The following DNAAF11 variants were observed in gnomAD, a reference collection of about 807,000 sequenced individuals.
DNAAF11 encodes the protein leucine rich repeat containing 6.
A neutral mutation model predicts 60.8 loss-of-function variants in DNAAF11; 45 were observed. The observed-to-expected ratio is 0.74, with a 90% confidence interval of 0.58 to 0.95. The LOEUF (loss-of-function observed/expected upper bound fraction) is 0.95. Ranked by LOEUF, DNAAF11 falls within the 40% of genes least tolerant of loss-of-function variation. DNAAF11 has a pLI of 0.00. For missense variants in DNAAF11, 546 were observed against 546.2 expected (o/e 1.00, Z 0.00); for synonymous variants, 191 against 183.5 (o/e 1.04, Z -0.33).
intron 4 of DNAAF11, among the ~76,000 whole-genome samples, chr8:132,637,559 C>T (rs1029257125): frequency 1.3e-5 from 2 of 151,266 alleles, no homozygotes; most frequent in African/African-American, 4.9e-5. Context: ...GAGCCGAGAT[C>T]GTGCCACTGC....
At chr8:132,575,075 A>G (rs1814600133) in intron 11 of DNAAF11, among the ~76,000 whole-genome samples, 1 of 152,204 alleles carries the variant, frequency 6.6e-6, no homozygotes, top group African/African-American at 2.4e-5. Context: ...GCCCTCTTTC[A>G]TCTCATTTAT....
In DNAAF11 at chr8:132,581,263, A is replaced by C. The variant is rs141194643; in HGVS notation, c.1226+2431T>G. On this transcript the variant is annotated intron_variant, in intron 11 of 11. Transcript: ENST00000620350. ...GGATGGAATTTCTAGAACAGAACAA[A>C]CATAAAATAATTAACCATAAAAAAG... 4.1e-3 allele frequency among the ~76,000 whole-genome samples: 630 copies of C among 152,306 alleles called. 10 individuals carry two copies. Among genetic ancestry groups the C allele is most frequent in the African/African-American group, 0.014 (594 of 41,562 alleles).
intron 11 of DNAAF11, among the ~76,000 whole-genome samples, chr8:132,583,390 C>A (rs1455408210): frequency 1.3e-5 from 2 of 152,100 alleles, no homozygotes; most frequent in Non-Finnish European, 2.9e-5. Context: ...ATGGGTAAAG[C>A]ACACAGAATA....
At chr8:132,665,203 T>A (rs1156615910) in intron 1 of DNAAF11, among the ~76,000 whole-genome samples, 2 of 152,098 alleles carry the variant, frequency 1.3e-5, no homozygotes, top group Non-Finnish European at 2.9e-5. Context: ...CAGTGCTGCT[T>A]CACCTGTAAT....
At chr8:132,692,776 C>A in the DNAAF11 span, among the ~76,000 whole-genome samples, 1 of 152,196 alleles carries the variant, frequency 6.6e-6, no homozygotes, top group South Asian at 2.1e-4. Context: ...TTGCCAAGGG[C>A]AAGCATTACT....
intron 10 of DNAAF11, chr8:132,608,684 A>G (rs537072492): frequency 4.2e-6 from 1 of 239,934 alleles, no homozygotes; most frequent in African/African-American, 2.2e-5. Flanking sequence ...TCATAGTGTT[A>G]CACAAATGTC....
intron 11 of DNAAF11, among the ~76,000 whole-genome samples, chr8:132,576,807 G>A (rs1358887926): frequency 4.0e-5 from 6 of 150,978 alleles, no homozygotes; most frequent in Non-Finnish European, 8.8e-5. Context: ...TATGTTCACA[G>A]TCTTATCTGG....
chr8:132,658,409 G>T (rs966195817), intron 2 of DNAAF11, among the ~76,000 whole-genome samples: 1 of 152,002 alleles, frequency 6.6e-6, no homozygotes, highest in Non-Finnish European at 1.5e-5. Context: ...TGCAAGCTCC[G>T]CCTCCCGGGT....
At chr8:132,599,152 G>A (rs1486786770) in intron 10 of DNAAF11, among the ~76,000 whole-genome samples, 1 of 152,068 alleles carries the variant, frequency 6.6e-6, no homozygotes, top group African/African-American at 2.4e-5. Flanking sequence ...ACACCTCTAC[G>A]CAAATAAACT....
At chr8:132,611,417 T>G in intron 8 of DNAAF11, 54 bp from the exon 9 acceptor site, 5 of 1,032,360 alleles carry the variant, frequency 4.8e-6, no homozygotes, top group Non-Finnish European at 7.4e-6. Context: ...CAAGTTTGAA[T>G]AAGTGCAAAT....
intron 1 of DNAAF11, among the ~76,000 whole-genome samples, chr8:132,662,064 C>T (rs1018331096): frequency 6.6e-6 from 1 of 152,134 alleles, no homozygotes; most frequent in Non-Finnish European, 1.5e-5. Context: ...GCATCTTCTA[C>T]CATTCAGAAA....
the DNAAF11 span, among the ~76,000 whole-genome samples, chr8:132,692,053 G>T: frequency 3.9e-5 from 6 of 152,264 alleles, no homozygotes; most frequent in African/African-American, 1.4e-4. Context: ...GACTCTTCTG[G>T]CTGCTATATG....
intron 4 of DNAAF11, among the ~76,000 whole-genome samples, chr8:132,637,219 A>AG (rs1821394139): frequency 6.6e-6 from 1 of 152,100 alleles, no homozygotes. Context: ...GTGAAATCTC[A>AG]GGCCCCATGT....
chr8:132,638,075 C>T lies in DNAAF11; in HGVS notation c.289G>A (p.Val97Met), dbSNP rs781170734. The T allele has an allele frequency of 1.2e-6, 2 of 1,614,064 alleles. No individual in the cohort carries two copies. The highest frequency in any genetic ancestry group is 2.2e-5 in the South Asian group (2 of 91,030). ...CTGCTCAGCTCTCCAATGAAATTCA[C>T]AGTCAGGTCAAGTTTTGCCAGCTCT... is the stretch of plus-strand genomic sequence containing the variant. ...CEELAKLDLT[V>M]NFIGELSSIK... The change falls in exon 4 of 12, where the codon GTG becomes ATG. Residue 97 changes from valine to methionine, a missense_variant. Coordinates refer to ENST00000620350, the MANE Select transcript of DNAAF11 (RefSeq NM_012472.6).
At chr8:132,666,045 G>C (rs1824591810) in intron 1 of DNAAF11, among the ~76,000 whole-genome samples, 2 of 152,132 alleles carry the variant, frequency 1.3e-5, no homozygotes, top group Admixed American at 1.3e-4. Flanking sequence ...GCTAAACTGT[G>C]GGTACACAAG....
At chr8:132,592,205 G>T (rs1816537435) in intron 10 of DNAAF11, among the ~76,000 whole-genome samples, 1 of 152,156 alleles carries the variant, frequency 6.6e-6, no homozygotes, top group South Asian at 2.1e-4. Context: ...TAGTAGAAGA[G>T]AAAACAAGTC....
intron 3 of DNAAF11, among the ~76,000 whole-genome samples, chr8:132,646,148 C>T (rs1401430479): frequency 1.3e-5 from 2 of 152,198 alleles, no homozygotes; most frequent in East Asian, 3.9e-4. Context: ...TCAGTAGAAA[C>T]TCTACAAGCC....
At chr8:132,592,530 C>A (rs956007293) in intron 10 of DNAAF11, among the ~76,000 whole-genome samples, 1 of 152,024 alleles carries the variant, frequency 6.6e-6, no homozygotes, top group Non-Finnish European at 1.5e-5. Flanking sequence ...CTACAGCATG[C>A]AGGAATTGTA....
chr8:132,658,957 A>G (rs1200116410), intron 2 of DNAAF11, among the ~76,000 whole-genome samples: 1 of 152,158 alleles, frequency 6.6e-6, no homozygotes, highest in Admixed American at 6.5e-5. Flanking sequence ...AGACCATTCT[A>G]GTAACAGTTC....
Sources: gnomAD v4.1 joint callset for allele counts (sites outside exome capture counted in the v4.1 genomes callset) on GRCh38, gnomAD v4.1.1 for gene constraint, MANE v1.5 for transcripts, NCBI Gene and HGNC (gene_info 2026-07-23, HGNC 2026-07-21) for gene names.